Variants in TSPAN4 observed in about 807,000 individuals in gnomAD.
TSPAN4 encodes tetraspanin 4.
A neutral mutation model predicts 31.5 loss-of-function variants in TSPAN4; 38 were observed. That is an observed-to-expected ratio of 1.21 (90% CI 0.93 to 1.58). The LOEUF (loss-of-function observed/expected upper bound fraction) is 1.58. Ranked by LOEUF, TSPAN4 falls within the 40% of genes most tolerant of loss-of-function variation. The probability of loss-of-function intolerance (pLI) is 0.00; values close to 1 mark genes in which losing one functional copy is unlikely to be tolerated. For missense variants in TSPAN4, 330 were observed against 317.3 expected (o/e 1.04, Z -0.30); for synonymous variants, 186 against 144.6 (o/e 1.29, Z -2.06).
At position 862,699 on chromosome 11, in the gene TSPAN4, C is replaced by T; in HGVS notation, c.213C>T (p.Gly71=). Residue 71 remains glycine, a synonymous_variant, in exon 4 of 9, where the codon GGC becomes GGT. Transcript: ENST00000397397. ...TTGTCATGGCCATCGGCTTCGTGGGCTGCCTGGGTGCCATCAAGGAGAACA... is the reference window on the plus strand; with the variant it reads ...TTGTCATGGCCATCGGCTTCGTGGGTTGCCTGGGTGCCATCAAGGAGAACA... ...GAFVMAIGFV[G]CLGAIKENKC... is the part of the protein sequence containing the mutation. 1.9e-6 allele frequency: 3 copies of T among 1,612,966 alleles called. No homozygotes were observed. The highest frequency in any genetic ancestry group is 2.5e-6 in the Non-Finnish European group (3 of 1,179,750).
chr11:858,233 G>C (rs983731447), intron 3 of TSPAN4: 1 of 152,652 alleles, frequency 6.6e-6, no homozygotes, highest in Admixed American at 6.5e-5. Flanking sequence ...AGGGGTGGGT[G>C]GGGGCGCCGC....
intron 5 of TSPAN4, 71 bp downstream of exon 5, chr11:864,582 G>C (rs1380047935): frequency 6.3e-7 from 1 of 1,585,094 alleles, no homozygotes; most frequent in African/African-American, 1.3e-5. Context: ...GGAGCACTGT[G>C]GGCCCGGTGT....
intron 2 of TSPAN4, chr11:849,826 G>T (rs989193232): frequency 4.1e-5 from 6 of 147,148 alleles, no homozygotes; most frequent in South Asian, 1.8e-4. Context: ...CGGGGTCGGG[G>T]GCGCGGGGGC....
rs918567273 is a variant in TSPAN4, at chr11:848,020, T to A, written c.-18+720T>A. Among the ~76,000 whole-genome samples, 1 of 152,188 alleles carries A rather than the reference T, an allele frequency of 6.6e-6. No individual in the cohort carries two copies. The highest frequency in any genetic ancestry group is 2.4e-5 in the African/African-American group (1 of 41,440). On this transcript the variant is annotated intron_variant, in intron 2 of 8. Coordinates refer to ENST00000397397, the MANE Select transcript of TSPAN4 (RefSeq NM_003271.5). This position sits in a 1 kb window ranked among gnomAD's most constrained non-coding sequence, Gnocchi z 5.7. ...AGCCTGGGGTCCTCCCGGGTCCCCG[T>A]GGCACCTGCCCTTGCCTGGCCCACG... is the stretch of plus-strand genomic sequence containing the variant.
rs371576784 is a variant in TSPAN4, at chr11:865,468, G to A, written c.331-45G>A. On this transcript the variant is annotated intron_variant, in intron 5 of 8. Transcript: ENST00000397397. Reference sequence around the variant, plus strand: ...GCGAGGGGGTCTGGATGAGGGAGGCGGGGTACAGTGGGAGGGGCCCTGCTG... The same window carrying A: ...GCGAGGGGGTCTGGATGAGGGAGGCAGGGTACAGTGGGAGGGGCCCTGCTG... 51 of 1,508,922 alleles carry A rather than the reference G, an allele frequency of 3.4e-5. No individual in the cohort carries two copies. The Admixed American group carries it at 3.7e-4, about 11-fold the overall frequency. The allele number at this position is 1,508,922 out of a possible 1,614,324, so 93.5% of individuals were successfully genotyped here. A position where few individuals can be genotyped will look rare whatever the true frequency, so the allele number is the denominator to read the frequency against.
chr11:853,844 T>C (rs1847891204), intron 3 of TSPAN4, among the ~76,000 whole-genome samples: 1 of 152,210 alleles, frequency 6.6e-6, no homozygotes, highest in African/African-American at 2.4e-5. Flanking sequence ...GGAAGCAGGC[T>C]GCCTGTGGTG....
chr11:852,978 G>C (rs7933125), intron 3 of TSPAN4, among the ~76,000 whole-genome samples: 18 of 152,188 alleles, frequency 1.2e-4, no homozygotes, highest in Non-Finnish European at 1.5e-5. Flanking sequence ...GACCAGAGCC[G>C]TGGGCAGTGG....
Position 866,009 on chromosome 11 carries a change from C to G in TSPAN4, c.648+8C>G. ...TGCACGGCGCTGGTGCAGGTATGGC[C>G]TGGGGGCCTGCGGGCTCCCTGCCCC... On this transcript the variant is annotated splice_region_variant and intron_variant, in intron 8 of 8. Transcript: ENST00000397397. 1 of 1,611,446 alleles carries G rather than the reference C, an allele frequency of 6.2e-7. No individual in the cohort carries two copies.
At chr11:850,893 C>T (rs975074174) in intron 3 of TSPAN4, among the ~76,000 whole-genome samples, 2 of 149,366 alleles carry the variant, frequency 1.3e-5, no homozygotes, top group Admixed American at 6.6e-5. Flanking sequence ...CCCCAGTCGC[C>T]GGGAGGCGCT....
intron 1 of TSPAN4, 92 bp downstream of exon 1, chr11:843,007 G>T (rs1422518321): frequency 6.6e-6 from 1 of 152,356 alleles, no homozygotes; most frequent in East Asian, 1.9e-4. Flanking sequence ...CGCGAGCGGG[G>T]CGCGCGAGTT....
In TSPAN4 at chr11:850,337, C is replaced by T; in HGVS notation, c.33C>T (p.Tyr11=). 6 of 1,607,276 alleles carry T rather than the reference C, an allele frequency of 3.7e-6. No homozygotes were observed. Among genetic ancestry groups the T allele is most frequent in the Non-Finnish European group, 5.1e-6 (6 of 1,179,236 alleles). ...GCGCCTGCCTCCAGGCCGTCAAGTA[C>T]CTCATGTTCGCCTTCAACCTGCTCT... is the stretch of plus-strand genomic sequence containing the variant. MARACLQAVK[Y]LMFAFNLLFW... is the part of the protein sequence containing the mutation. The change falls in exon 3 of 9, where the codon TAC becomes TAT. Residue 11 remains tyrosine (Y), a synonymous_variant. Coordinates refer to ENST00000397397, the MANE Select transcript of TSPAN4 (RefSeq NM_003271.5).
chr11:856,747 TCCTGGC>T (rs1848065548), intron 3 of TSPAN4: 1 of 152,304 alleles, frequency 6.6e-6, no homozygotes, highest in African/African-American at 2.4e-5. Flanking sequence ...GACCTGGCCC[TCCTGGC>T]CTCAGCCCTG....
chr11:853,420 G>A (rs746420768), intron 3 of TSPAN4, among the ~76,000 whole-genome samples: 3 of 152,194 alleles, frequency 2.0e-5, no homozygotes, highest in Non-Finnish European at 4.4e-5. Context: ...CTGACGGCCT[G>A]GGGCAGCCTG....
rs1488263633 is a variant in TSPAN4, at chr11:865,828, G to A, written c.564+3G>A. 3 of 1,612,024 alleles carry A rather than the reference G, an allele frequency of 1.9e-6. No homozygotes were observed. Among genetic ancestry groups the A allele is most frequent in the Non-Finnish European group, 2.5e-6 (3 of 1,179,560 alleles). On this transcript the variant is annotated splice_donor_region_variant and intron_variant, in intron 7 of 8. Coordinates refer to ENST00000397397, the MANE Select transcript of TSPAN4 (RefSeq NM_003271.5). The stretch of plus-strand genomic sequence containing the variant: ...CCCCCGGCACCTGGTGGAAGGCGGT[G>A]AGTGAGACCCCCACCCTGGGGGCTG...
At chr11:844,661 C>T (rs1847194305) in intron 1 of TSPAN4, 1 of 144,644 alleles carries the variant, frequency 6.9e-6, no homozygotes, top group Non-Finnish European at 1.5e-5. Context: ...GTGGGGGCCC[C>T]TCTCTCCTGG....
intron 4 of TSPAN4, 134 bp from the exon 5 acceptor site, chr11:864,301 CTG>C: frequency 9.2e-7 from 1 of 1,090,858 alleles, no homozygotes; most frequent in Admixed American, 1.9e-5. Context: ...TCTGGGCTCT[CTG>C]GGAGTGGGGG....
At chr11:855,036 C>T (rs139603233) in intron 3 of TSPAN4, among the ~76,000 whole-genome samples, 457 of 152,300 alleles carry the variant, frequency 3.0e-3, no homozygotes, top group Non-Finnish European at 5.1e-3. Flanking sequence ...CAGCAGCGGT[C>T]GGTCGGGGGA....
intron 3 of TSPAN4, chr11:856,961 GGGGGACGCC>G (rs1565138164): frequency 6.6e-6 from 1 of 152,242 alleles, no homozygotes; most frequent in East Asian, 1.9e-4. Context: ...CTCGGGGCCC[GGGGGACGCC>G]AGGTTGCAGG....
At position 848,950 on chromosome 11, in the gene TSPAN4, C is replaced by T. The variant is rs1234416077; in HGVS notation, c.-17-1338C>T. 1.4e-6 allele frequency: 1 copy of T among 700,492 alleles called. No individual in the cohort carries two copies. Among genetic ancestry groups the T allele is most frequent in the Non-Finnish European group, 2.7e-6 (1 of 376,484 alleles). 43.4% of individuals were successfully genotyped at this position (700,492 alleles called of 1,614,324 possible). A position where few individuals can be genotyped will look rare whatever the true frequency, so the allele number is the denominator to read the frequency against. ...ACGGGGCCGGTATGTCTGTACCTGT[C>T]AAGGGGTGGGGTGGGGTCTTTTACA... On this transcript the variant is annotated intron_variant, in intron 2 of 8. Coordinates refer to ENST00000397397, the MANE Select transcript of TSPAN4 (RefSeq NM_003271.5). This position sits in a 1 kb window ranked among gnomAD's most constrained non-coding sequence, Gnocchi z 5.7.
Sources: gnomAD v4.1 joint callset for allele counts (sites outside exome capture counted in the v4.1 genomes callset) on GRCh38, gnomAD v4.1.1 for gene constraint, Gnocchi (gnomAD v3.1) non-coding constraint, MANE v1.5 for transcripts, NCBI Gene and HGNC (gene_info 2026-07-23, HGNC 2026-07-21) for gene names.